YWHAQ: variants seen among roughly 807,000 people sequenced by gnomAD.
YWHAQ encodes 14-3-3 protein theta.
YWHAQ carries 6 observed loss-of-function variants against 28.3 expected under a neutral mutation model. That is an observed-to-expected ratio of 0.21 (90% CI 0.12 to 0.42). The LOEUF is 0.42. Ranked by LOEUF, YWHAQ falls within the 10% of genes least tolerant of loss-of-function variation. YWHAQ has a pLI of 1.00. For missense variants in YWHAQ, 201 were observed against 305.6 expected, an observed-to-expected ratio of 0.66 and a Z score of 2.55; for synonymous variants, 143 against 119.1, an observed-to-expected ratio of 1.20 and a Z score of -1.31.
At chr2:9,592,548 A>AC (rs1371643194) in intron 2 of YWHAQ, among the ~76,000 whole-genome samples, 1 of 151,988 alleles carries the variant, frequency 6.6e-6, no homozygotes, top group Non-Finnish European at 1.5e-5. Context: ...ACATAATGAA[A>AC]CCCCGTCTCT....
intron 5 of YWHAQ, among the ~76,000 whole-genome samples, chr2:9,587,181 GTAATAT>G (rs1388916318): frequency 7.2e-5 from 11 of 152,146 alleles, no homozygotes; most frequent in African/African-American, 1.7e-4. Context: ...CAATGAAATA[GTAATAT>G]TAATATTGAG....
At chr2:9,586,380 A>G (rs546407414) in intron 5 of YWHAQ, among the ~76,000 whole-genome samples, 1 of 152,260 alleles carries the variant, frequency 6.6e-6, no homozygotes, top group East Asian at 1.9e-4. Context: ...GAAAAGCCAG[A>G]ATCTTACATA....
chr2:9,592,505 A>G (rs772052505), intron 2 of YWHAQ, among the ~76,000 whole-genome samples: 1 of 152,000 alleles, frequency 6.6e-6, no homozygotes, highest in African/African-American at 2.4e-5. Flanking sequence ...GCGGGCAGAT[A>G]ACAAGGTCAG....
At chr2:9,624,679 G>T (rs1394375085) in intron 2 of YWHAQ, among the ~76,000 whole-genome samples, 1 of 152,088 alleles carries the variant, frequency 6.6e-6, no homozygotes, top group African/African-American at 2.4e-5. Flanking sequence ...GCTGGGGGCA[G>T]TGGGGAGTGG....
intron 2 of YWHAQ, among the ~76,000 whole-genome samples, chr2:9,599,721 A>G: frequency 6.6e-6 from 1 of 152,216 alleles, no homozygotes; most frequent in Non-Finnish European, 1.5e-5. Context: ...TTGACAATGC[A>G]GCACCTGTTT....
At chr2:9,591,038 TAGAA>T (rs1243563183) in intron 3 of YWHAQ, among the ~76,000 whole-genome samples, 5 of 152,158 alleles carry the variant, frequency 3.3e-5, no homozygotes, top group Non-Finnish European at 7.4e-5. Context: ...TAAGGCATAA[TAGAA>T]AGGCCATGTG....
intron 2 of YWHAQ, among the ~76,000 whole-genome samples, chr2:9,610,556 TG>T (rs1372035805): frequency 2.6e-5 from 4 of 152,200 alleles, no homozygotes; most frequent in African/African-American, 9.7e-5. Context: ...TTGCCCAGGC[TG>T]GAGTGCAACG....
intron 5 of YWHAQ, 95 bp downstream of exon 5, chr2:9,587,319 G>A (rs779460027): frequency 2.7e-5 from 29 of 1,079,782 alleles, no homozygotes; most frequent in Non-Finnish European, 3.4e-5. Context: ...CTTTCAGCTC[G>A]TATGTATCTT....
At chr2:9,592,625 T>C (rs1245096868) in intron 2 of YWHAQ, among the ~76,000 whole-genome samples, 1 of 152,036 alleles carries the variant, frequency 6.6e-6, no homozygotes, top group Non-Finnish European at 1.5e-5. Context: ...CTCAGGAGGC[T>C]GAGGCAGGAG....
chr2:9,591,556 C>T (rs1415599848), intron 2 of YWHAQ, 41 bp from the exon 3 acceptor site: 1 of 1,577,194 alleles, frequency 6.3e-7, no homozygotes, highest in East Asian at 2.3e-5. Flanking sequence ...TAAACTTCTG[C>T]CTACTGTGCA....
At chr2:9,588,076 G>T in intron 4 of YWHAQ, 89 bp downstream of exon 4, 2 of 1,409,098 alleles carry the variant, frequency 1.4e-6, no homozygotes, top group Non-Finnish European at 9.5e-7. Flanking sequence ...ATCATCCCTG[G>T]GTATCCAAGT....
At chr2:9,607,288 C>T (rs1242517112) in intron 2 of YWHAQ, among the ~76,000 whole-genome samples, 1 of 150,914 alleles carries the variant, frequency 6.6e-6, no homozygotes, top group African/African-American at 2.4e-5. Flanking sequence ...GCAACGTCCA[C>T]CTCCCAGGTT....
At chr2:9,618,024 T>C (rs149427675) in intron 2 of YWHAQ, among the ~76,000 whole-genome samples, 31 of 152,230 alleles carry the variant, frequency 2.0e-4, no homozygotes, top group African/African-American at 7.2e-4. Flanking sequence ...CTACATATTA[T>C]ATGATTCTGT....
chr2:9,605,138 C>T (rs895931010), intron 2 of YWHAQ, among the ~76,000 whole-genome samples: 2 of 97,472 alleles, frequency 2.1e-5, no homozygotes, highest in African/African-American at 5.8e-5. Flanking sequence ...ATTCTGTTCT[C>T]TCTTTTTTTT....
chr2:9,630,327 G>A lies in YWHAQ; in HGVS notation c.126C>T (p.Asn42=). The change falls in exon 2 of 6, where the codon AAC becomes AAT. Residue 42 remains asparagine (N), a synonymous_variant. Transcript: ENST00000238081. The surrounding 1 kb of genome is among the most constrained non-coding windows in gnomAD (Gnocchi z 5.6). Reference sequence around the variant, plus strand: ...CGTTCTTGTAGGCCACGGAGAGCAGGTTGCGCTCCTCGTTGGACAGCTCGG... The same window carrying A: ...CGTTCTTGTAGGCCACGGAGAGCAGATTGCGCTCCTCGTTGGACAGCTCGG... ...QGAELSNEER[N]LLSVAYKNVV... 1.2e-6 allele frequency: 2 copies of A among 1,614,152 alleles called. No individual in the cohort carries two copies. The highest frequency in any genetic ancestry group is 1.7e-6 in the Non-Finnish European group (2 of 1,180,044).
intron 2 of YWHAQ, among the ~76,000 whole-genome samples, chr2:9,597,723 G>C (rs1404320574): frequency 2.0e-5 from 3 of 149,974 alleles, no homozygotes; most frequent in Admixed American, 6.6e-5. Flanking sequence ...TGGTGCCCAT[G>C]TTAAGTTCAT....
chr2:9,630,130 C>T lies in YWHAQ; in HGVS notation c.294+29G>A, dbSNP rs372377118. The T allele has an allele frequency of 1.2e-5, 19 of 1,591,544 alleles. No individual in the cohort carries two copies. In the East Asian group the frequency reaches 4.1e-4, roughly 34 times the overall value. ...CAATGAAAAGCATCTCACAAAAGGCCTCCCCTGCTCCCCGCGCCGAGGACT... is the reference window on the plus strand; with the variant it reads ...CAATGAAAAGCATCTCACAAAAGGCTTCCCCTGCTCCCCGCGCCGAGGACT... On this transcript the variant is annotated intron_variant, in intron 2 of 5. Coordinates refer to ENST00000238081, the MANE Select transcript of YWHAQ (RefSeq NM_006826.4). The surrounding 1 kb of genome is among the most constrained non-coding windows in gnomAD (Gnocchi z 5.6).
intron 2 of YWHAQ, among the ~76,000 whole-genome samples, chr2:9,600,363 A>T (rs1396936214): frequency 1.3e-5 from 2 of 152,226 alleles, no homozygotes; most frequent in Non-Finnish European, 2.9e-5. Flanking sequence ...ATTTTGAAAG[A>T]AATTCTATTC....
At chr2:9,619,891 T>G (rs1020393015) in intron 2 of YWHAQ, among the ~76,000 whole-genome samples, 2 of 152,240 alleles carry the variant, frequency 1.3e-5, no homozygotes, top group South Asian at 4.1e-4. Context: ...GTTTAACAAC[T>G]GTAGCTTTTA....
Sources: allele counts gnomAD v4.1 joint callset (sites outside exome capture counted in the v4.1 genomes callset), GRCh38; gene constraint gnomAD v4.1.1; non-coding constraint Gnocchi (gnomAD v3.1); transcripts MANE v1.5; gene names NCBI Gene and HGNC (gene_info 2026-07-23, HGNC 2026-07-21).